SDK1: variants seen among roughly 807,000 people sequenced by gnomAD.
SDK1 encodes protein sidekick-1.
A neutral mutation model predicts 245.5 loss-of-function variants in SDK1; 157 were observed. The ratio of observed to expected loss-of-function variants is 0.64; its 90% CI spans 0.56 to 0.73. The LOEUF is 0.73. SDK1 is among the 30% of genes least tolerant of loss of function. The pLI is 0.00. For synonymous variants in SDK1, 1,647 were observed against 1,278.5 expected (o/e 1.29, Z -6.15); for missense variants, 3,583 against 3,002.3 (o/e 1.19, Z -4.52).
chr7:3,351,936 T>A (rs910572413), intron 1 of SDK1, among the ~76,000 whole-genome samples: 1 of 152,068 alleles, frequency 6.6e-6, no homozygotes, highest in African/African-American at 2.4e-5. Context: ...TCCATTCTTT[T>A]CAAGCACATG....
chr7:3,632,078 A>G (rs1782309525), intron 2 of SDK1, among the ~76,000 whole-genome samples: 1 of 152,216 alleles, frequency 6.6e-6, no homozygotes, highest in Non-Finnish European at 1.5e-5. Flanking sequence ...AATTAAGTCA[A>G]CAGACATGCA....
intron 1 of SDK1, among the ~76,000 whole-genome samples, chr7:3,423,385 T>A (rs190851127): frequency 6.6e-6 from 1 of 152,360 alleles, no homozygotes; most frequent in African/African-American, 2.4e-5. Flanking sequence ...GCAGATTGGC[T>A]GAGCAGAGAG....
chr7:3,881,546 T>C (rs1781209621), intron 5 of SDK1, among the ~76,000 whole-genome samples: 1 of 152,256 alleles, frequency 6.6e-6, no homozygotes, highest in Non-Finnish European at 1.5e-5. Flanking sequence ...CTATTGTGAC[T>C]AGTGCTGCAA....
intron 1 of SDK1, among the ~76,000 whole-genome samples, chr7:3,372,090 T>G (rs1344504074): frequency 6.6e-6 from 1 of 152,220 alleles, no homozygotes; most frequent in Admixed American, 6.5e-5. Flanking sequence ...AACAACAGCA[T>G]TTATGTTCCA....
At chr7:3,579,184 A>G (rs939478322) in intron 1 of SDK1, among the ~76,000 whole-genome samples, 1 of 152,032 alleles carries the variant, frequency 6.6e-6, no homozygotes, top group Non-Finnish European at 1.5e-5. Context: ...AAGTCATTCT[A>G]TAAGGCAGCA....
intron 5 of SDK1, among the ~76,000 whole-genome samples, chr7:3,901,694 CTT>C (rs1468623302): frequency 6.6e-6 from 1 of 152,162 alleles, no homozygotes; most frequent in Non-Finnish European, 1.5e-5. Context: ...TCTTAACACT[CTT>C]TACTCACTCA....
intron 4 of SDK1, among the ~76,000 whole-genome samples, chr7:3,658,207 A>G (rs1783248118): frequency 6.6e-6 from 1 of 152,180 alleles, no homozygotes; most frequent in South Asian, 2.1e-4. Context: ...ATGAACTGTC[A>G]TAGCCGTGAG....
At chr7:3,303,066 C>G (rs1302392393) in intron 1 of SDK1, among the ~76,000 whole-genome samples, 1 of 152,174 alleles carries the variant, frequency 6.6e-6, no homozygotes, top group Non-Finnish European at 1.5e-5. Context: ...CCCCTCCACC[C>G]CCCTCCAGCT....
At chr7:3,483,886 G>A (rs1158431678) in intron 1 of SDK1, among the ~76,000 whole-genome samples, 1 of 151,936 alleles carries the variant, frequency 6.6e-6, no homozygotes, top group African/African-American at 2.4e-5. Context: ...GCTCTACATG[G>A]CCATAATACT....
chr7:3,974,444 C>T lies in SDK1; in HGVS notation c.1893C>T (p.Ser631=), dbSNP rs761075033. ...GGATCGTGGTGGAGAAGGACGGGTC[C>T]CTTCTCATCAGCCAGACGTGGTCAG... ...TSRIVVEKDG[S]LLISQTWSGD... is the part of the protein sequence containing the mutation. Residue 631 remains serine (S), a synonymous_variant, in exon 13 of 45, where the codon TCC becomes TCT. Coordinates refer to ENST00000404826, the MANE Select transcript of SDK1 (RefSeq NM_152744.4). The T allele has an allele frequency of 1.9e-6, 3 of 1,614,118 alleles. No homozygotes were observed. Among genetic ancestry groups the T allele is most frequent in the Non-Finnish European group, 2.5e-6 (3 of 1,180,008 alleles).
chr7:4,233,988 C>T lies in SDK1; in HGVS notation c.5992+569C>T, dbSNP rs1007690721. 1.8e-4 allele frequency among the ~76,000 whole-genome samples: 28 copies of T among 152,286 alleles called. No individual in the cohort carries two copies. The South Asian group carries it at 3.3e-3, about 18-fold the overall frequency. On this transcript the variant is annotated intron_variant, in intron 41 of 44. Coordinates refer to ENST00000404826, the MANE Select transcript of SDK1 (RefSeq NM_152744.4). Reference sequence around the variant, plus strand: ...GTGTCCCCTCCGCAACAAAATCATTCGCAAGGAAAGCAGAGCCCCGATCCC... The same window carrying T: ...GTGTCCCCTCCGCAACAAAATCATTTGCAAGGAAAGCAGAGCCCCGATCCC...
chr7:3,816,474 G>A (rs1487670690), intron 4 of SDK1, among the ~76,000 whole-genome samples: 8 of 150,264 alleles, frequency 5.3e-5, no homozygotes, highest in African/African-American at 1.7e-4. Context: ...ACACCTCTAC[G>A]CAAATAAACT....
intron 31 of SDK1, among the ~76,000 whole-genome samples, chr7:4,159,911 G>A (rs2084422): frequency 0.019 from 2,933 of 152,292 alleles, 98 homozygotes; most frequent in African/African-American, 0.067. Flanking sequence ...TTATAACGTT[G>A]TAGGAGGACT....
At chr7:3,615,793 C>T (rs377593205) in intron 1 of SDK1, among the ~76,000 whole-genome samples, 6 of 148,968 alleles carry the variant, frequency 4.0e-5, no homozygotes, top group South Asian at 4.2e-4. Flanking sequence ...CACTATTCCA[C>T]GCCCTCTTTT....
At chr7:3,582,271 C>T (rs1780525182) in intron 1 of SDK1, among the ~76,000 whole-genome samples, 2 of 151,180 alleles carry the variant, frequency 1.3e-5, no homozygotes, top group South Asian at 4.2e-4. Flanking sequence ...TCAGGTAGGT[C>T]TCCCTCAGGT....
intron 35 of SDK1, among the ~76,000 whole-genome samples, chr7:4,185,329 C>T (rs1049793181): frequency 6.6e-6 from 1 of 152,160 alleles, no homozygotes; most frequent in Non-Finnish European, 1.5e-5. Flanking sequence ...CATTCCACAG[C>T]GTTCCGGGCA....
chr7:3,541,453 T>G (rs1338464986), intron 1 of SDK1, among the ~76,000 whole-genome samples: 1 of 152,234 alleles, frequency 6.6e-6, no homozygotes, highest in Non-Finnish European at 1.5e-5. Context: ...CCTGTAATTT[T>G]CCATCCATTC....
chr7:3,715,499 G>A (rs958798563), intron 4 of SDK1, among the ~76,000 whole-genome samples: 1 of 152,070 alleles, frequency 6.6e-6, no homozygotes, highest in African/African-American at 2.4e-5. Context: ...GGTGATGCAG[G>A]GAAGCCCAGG....
intron 4 of SDK1, among the ~76,000 whole-genome samples, chr7:3,797,871 C>A (rs564920837): frequency 3.7e-4 from 56 of 152,250 alleles, no homozygotes; most frequent in African/African-American, 1.2e-3. Flanking sequence ...GCTCACTTTT[C>A]TGTACAGATG....
Sources: gnomAD v4.1 joint callset for allele counts (sites outside exome capture counted in the v4.1 genomes callset) on GRCh38, gnomAD v4.1.1 for gene constraint, MANE v1.5 for transcripts, NCBI Gene and HGNC (gene_info 2026-07-23, HGNC 2026-07-21) for gene names.